MAP3K13: variants seen among roughly 807,000 people sequenced by gnomAD.
MAP3K13 encodes the protein mitogen-activated protein kinase kinase kinase 13, also known as leucine zipper-bearing kinase.
In MAP3K13, 52 loss-of-function variants were observed where a neutral mutation model predicts 104.0. That is an observed-to-expected ratio of 0.50 (90% CI 0.40 to 0.63). The LOEUF (loss-of-function observed/expected upper bound fraction) is 0.63, where lower values mean the gene tolerates loss of function less well. Ranked by LOEUF, MAP3K13 falls within the 20% of genes least tolerant of loss-of-function variation. The pLI is 0.00. For synonymous variants in MAP3K13, 394 were observed against 442.2 expected (o/e 0.89, Z 1.37); for missense variants, 914 against 1,218.5 (o/e 0.75, Z 3.72).
chr3:185,419,969 T>G (rs1714023988), intron 1 of MAP3K13, among the ~76,000 whole-genome samples: 1 of 152,164 alleles, frequency 6.6e-6, no homozygotes, highest in African/African-American at 2.4e-5. Flanking sequence ...ACAGTTGCAT[T>G]TATAGGTACT....
At chr3:185,430,609 T>C (rs538605746) in intron 2 of MAP3K13, among the ~76,000 whole-genome samples, 1 of 152,332 alleles carries the variant, frequency 6.6e-6, no homozygotes, top group East Asian at 1.9e-4. Context: ...ACTCTGTCCA[T>C]GTCCTCGCAA....
chr3:185,426,091 T>G (rs1714397694), intron 1 of MAP3K13, among the ~76,000 whole-genome samples: 9 of 152,062 alleles, frequency 5.9e-5, no homozygotes, highest in Admixed American at 5.9e-4. Flanking sequence ...CTTCTTCTTC[T>G]TCTTCTTCTG....
rs1693153541 is a variant in MAP3K13, at chr3:185,417,780, C to T, written c.-85-10717C>T. 7 of 1,612,176 alleles carry T rather than the reference C, an allele frequency of 4.3e-6. No homozygotes were observed. In the Admixed American group the frequency reaches 1.2e-4, roughly 27 times the overall value. The stretch of plus-strand genomic sequence containing the variant: ...GAAGAATGGTGTTCCGGCGCATGGT[C>T]TTTGCATATGGGTTTAGCTTCAACA... On this transcript the variant is annotated intron_variant, in intron 1 of 13. Coordinates refer to ENST00000265026, the MANE Select transcript of MAP3K13 (RefSeq NM_004721.5).
chr3:185,292,281 G>A (rs960282853), intron 2 of MAP3K13: 1 of 152,352 alleles, frequency 6.6e-6, no homozygotes, highest in East Asian at 1.9e-4. Flanking sequence ...TTCCAGCCTG[G>A]GTGACAGAGC....
At chr3:185,307,755 G>T (rs1183592635) in intron 2 of MAP3K13, among the ~76,000 whole-genome samples, 2 of 152,032 alleles carry the variant, frequency 1.3e-5, no homozygotes, top group African/African-American at 4.8e-5. Flanking sequence ...TGTTGGCCAG[G>T]CTGGTCTTGA....
At chr3:185,451,789 C>T (rs1288799763) in intron 7 of MAP3K13, among the ~76,000 whole-genome samples, 1 of 151,164 alleles carries the variant, frequency 6.6e-6, no homozygotes, top group Non-Finnish European at 1.5e-5. Context: ...ATCACTTGAA[C>T]CCGGGAAGCG....
chr3:185,473,239 T>G lies in MAP3K13; in HGVS notation c.1908T>G (p.Ser636=). The part of the protein sequence containing the change: ...SQYPSLHHHN[S]LQQQYQQPPP... ...ACCCTTCTCTTCATCACCATAATTCTCTGCAGCAGCAATACCAGCAGCCCC... is the reference window on the plus strand; with the variant it reads ...ACCCTTCTCTTCATCACCATAATTCGCTGCAGCAGCAATACCAGCAGCCCC... Residue 636 remains serine, a synonymous_variant, in exon 11 of 14, where the codon TCT becomes TCG. Coordinates refer to ENST00000265026, the MANE Select transcript of MAP3K13 (RefSeq NM_004721.5). The surrounding 1 kb of genome is among the most constrained non-coding windows in gnomAD (Gnocchi z 4.9). 2 of 1,614,130 alleles carry G rather than the reference T, an allele frequency of 1.2e-6. No homozygotes were observed. Among genetic ancestry groups the G allele is most frequent in the Non-Finnish European group, 1.7e-6 (2 of 1,180,022 alleles).
chr3:185,292,818 A>AT, intron 2 of MAP3K13: 7 of 985,232 alleles, frequency 7.1e-6, no homozygotes, highest in Non-Finnish European at 8.4e-6. Flanking sequence ...ACGAATATAT[A>AT]TTCCCCTAAA....
At chr3:185,392,912 C>T (rs1479926679) in intron 1 of MAP3K13, among the ~76,000 whole-genome samples, 1 of 151,736 alleles carries the variant, frequency 6.6e-6, no homozygotes, top group Admixed American at 6.6e-5. Context: ...ATTAGCTAGG[C>T]CTGGTGGTGG....
intron 1 of MAP3K13, among the ~76,000 whole-genome samples, chr3:185,388,372 T>C (rs1711829334): frequency 1.3e-5 from 2 of 152,008 alleles, no homozygotes; most frequent in South Asian, 4.2e-4. Context: ...TGTGGTGGCA[T>C]GCACCTGTAG....
intron 3 of MAP3K13, among the ~76,000 whole-genome samples, chr3:185,438,408 T>C (rs1220637802): frequency 6.6e-6 from 1 of 152,222 alleles, no homozygotes; most frequent in Non-Finnish European, 1.5e-5. Flanking sequence ...TAGGTTCTGT[T>C]AGCATCCCTT....
chr3:185,455,876 G>GAT lies in MAP3K13; in HGVS notation c.1278+4482_1278+4483insTA, dbSNP rs1388452403. ...TATGAGATATATATGAGATATAGATGAGATATATGATATAGATGAGATATA... is the reference window on the plus strand; with the variant it reads ...TATGAGATATATATGAGATATAGATGATAGATATATGATATAGATGAGATATA... On this transcript the variant is annotated intron_variant, in intron 7 of 13. Coordinates refer to ENST00000265026, the MANE Select transcript of MAP3K13 (RefSeq NM_004721.5). 6.8e-3 allele frequency among the ~76,000 whole-genome samples: 319 copies of GAT among 46,840 alleles called. 5 individuals carry two copies. Among genetic ancestry groups the GAT allele is most frequent in the South Asian group, 0.02 (26 of 1,310 alleles). 30.7% of individuals were successfully genotyped at this position (46,840 alleles called of 152,430 possible).
At position 185,460,986 on chromosome 3, in the gene MAP3K13, AG is replaced by A. The variant is rs530571203; in HGVS notation, c.1279-2562del. On this transcript the variant is annotated intron_variant, in intron 7 of 13. Transcript: ENST00000265026. ...ATACAGTGACAGTTTTGCACAAAAG[AG>A]GATACTTCAAGACACAAATCTGACC... is the stretch of plus-strand genomic sequence containing the variant. 3.0e-3 allele frequency among the ~76,000 whole-genome samples: 463 copies of A among 152,318 alleles called. 5 individuals carry two copies. The highest frequency in any genetic ancestry group is 0.01 in the African/African-American group (430 of 41,562).
chr3:185,420,950 C>T (rs1449993326), intron 1 of MAP3K13, among the ~76,000 whole-genome samples: 2 of 152,172 alleles, frequency 1.3e-5, no homozygotes, highest in East Asian at 1.9e-4. Context: ...CTGCTGCTGT[C>T]TCCAACTCTT....
Position 185,483,604 on chromosome 3 carries a change from A to G in MAP3K13, c.*1148A>G. ...CTACTTGAGTCATATTGATTCAAGC[A>G]GGAGAACAGACTTTGAAGGCAGCTA... On this transcript the variant is annotated 3_prime_UTR_variant, in exon 14 of 14. Coordinates refer to ENST00000265026, the MANE Select transcript of MAP3K13 (RefSeq NM_004721.5). 1 of 212,808 alleles carries G rather than the reference A, an allele frequency of 4.7e-6. No individual in the cohort carries two copies. The highest frequency in any genetic ancestry group is 9.5e-6 in the Non-Finnish European group (1 of 105,282). The allele number at this position is 212,808 out of a possible 1,614,324, so 13.2% of individuals were successfully genotyped here.
In MAP3K13 at chr3:185,348,873, C is replaced by T. The variant is rs539473300; in HGVS notation, c.-86+63230C>T. On this transcript the variant is annotated intron_variant, in intron 2 of 14. Coordinates refer to the MAP3K13 transcript ENST00000424227. The stretch of plus-strand genomic sequence containing the variant: ...CGGAGGTTGCAGTGAGCTGAGATCG[C>T]GGCACTGCACTGCAGCCTGGCAACA... Among the ~76,000 whole-genome samples the T allele has an allele frequency of 4.3e-4, 66 of 152,200 alleles. 1 individual carries two copies. The highest frequency in any genetic ancestry group is 1.5e-3 in the African/African-American group (62 of 41,500).
chr3:185,418,407 G>C lies in MAP3K13; in HGVS notation c.-85-10090G>C. On this transcript the variant is annotated intron_variant, in intron 1 of 13. Transcript: ENST00000265026. The surrounding 1 kb of genome is among the most constrained non-coding windows in gnomAD (Gnocchi z 4.5). ...GGGCTGAGGCAGCCAGGGCAGAACA[G>C]ATGGCATATCGTTTTTGGGTTGTGT... is the stretch of plus-strand genomic sequence containing the variant. 1.2e-6 allele frequency: 2 copies of C among 1,607,494 alleles called. No homozygotes were observed. Among genetic ancestry groups the C allele is most frequent in the Non-Finnish European group, 1.7e-6 (2 of 1,175,736 alleles).
chr3:185,322,438 T>C (rs1160306185), intron 2 of MAP3K13, among the ~76,000 whole-genome samples: 7 of 152,214 alleles, frequency 4.6e-5, no homozygotes, highest in Non-Finnish European at 1.0e-4. Flanking sequence ...CTTTCTTTTG[T>C]CTTGGTTGCC....
Position 185,451,362 on chromosome 3 carries a change from T to C in MAP3K13, c.1245T>C (p.Leu415=). The part of the protein sequence containing the change: ...MHLDIASADV[L]ATPQETYFKS... The stretch of plus-strand genomic sequence containing the variant: ...TAGACATTGCCTCTGCAGATGTACT[T>C]GCCACCCCACAAGAAACTTACTTCA... Residue 415 remains leucine (L), a synonymous_variant, in exon 7 of 14, where the codon CTT becomes CTC. Coordinates refer to ENST00000265026, the MANE Select transcript of MAP3K13 (RefSeq NM_004721.5). 2.5e-6 allele frequency: 4 copies of C among 1,613,726 alleles called. No homozygotes were observed. The highest frequency in any genetic ancestry group is 3.4e-6 in the Non-Finnish European group (4 of 1,179,656).
Sources: allele counts gnomAD v4.1 joint callset (sites outside exome capture counted in the v4.1 genomes callset), GRCh38; gene constraint gnomAD v4.1.1; non-coding constraint Gnocchi (gnomAD v3.1); transcripts MANE v1.5; gene names NCBI Gene and HGNC (gene_info 2026-07-23, HGNC 2026-07-21).